ITPR2: variants seen among roughly 807,000 people sequenced by gnomAD.
The protein encoded by ITPR2 is inositol 1,4,5-trisphosphate receptor type 2.
Under a neutral mutation model 317.1 loss-of-function variants are expected in ITPR2, and 207 were observed. The observed-to-expected ratio is 0.65, with a 90% CI of 0.58 to 0.73. The LOEUF (loss-of-function observed/expected upper bound fraction) is 0.73. Among genes scored for constraint, ITPR2 ranks in the 30% least tolerant of loss-of-function variants. ITPR2 has a pLI of 0.00. For synonymous variants in ITPR2, 1,156 were observed against 1,149.1 expected, an observed-to-expected ratio of 1.01 and a Z score of -0.12; for missense variants, 2,613 against 3,284.0, an observed-to-expected ratio of 0.80 and a Z score of 4.99.
intron 36 of ITPR2, among the ~76,000 whole-genome samples, chr12:26,555,264 G>A (rs1944631444): frequency 2.0e-5 from 3 of 152,078 alleles, no homozygotes; most frequent in Admixed American, 1.3e-4. Context: ...TCTCTGCCTC[G>A]ATATATCACA....
chr12:26,778,380 T>TA (rs746446869), intron 2 of ITPR2, among the ~76,000 whole-genome samples: 41 of 152,340 alleles, frequency 2.7e-4, no homozygotes, highest in Non-Finnish European at 5.4e-4. Context: ...AGATGGATCT[T>TA]AGAGAATGAC....
chr12:26,682,955 C>T (rs1325279172), intron 11 of ITPR2, among the ~76,000 whole-genome samples: 1 of 152,154 alleles, frequency 6.6e-6, no homozygotes, highest in African/African-American at 2.4e-5. Flanking sequence ...TCATCCCCAT[C>T]GACTGAATCA....
chr12:26,423,499 T>G (rs190339092), intron 49 of ITPR2, among the ~76,000 whole-genome samples: 1 of 152,256 alleles, frequency 6.6e-6, no homozygotes, highest in East Asian at 1.9e-4. Flanking sequence ...AAAGGAAAAA[T>G]CATTGTAGGT....
At chr12:26,663,605 C>G (rs1947551263) in intron 15 of ITPR2, 80 bp downstream of exon 15, 1 of 1,271,210 alleles carries the variant, frequency 7.9e-7, no homozygotes, top group African/African-American at 1.5e-5. Context: ...TTCCTACTTT[C>G]TATGCTGTAG....
chr12:26,750,293 A>G (rs751354882), intron 2 of ITPR2, among the ~76,000 whole-genome samples: 6 of 152,108 alleles, frequency 3.9e-5, no homozygotes, highest in Admixed American at 6.5e-5. Flanking sequence ...AAAGTCATCT[A>G]TTGTTCTGTG....
At chr12:26,387,711 C>A in intron 54 of ITPR2, 117 bp from the exon 55 acceptor site, 1 of 897,346 alleles carries the variant, frequency 1.1e-6, no homozygotes, top group Non-Finnish European at 1.7e-6. Context: ...TAAGAGTGTG[C>A]CAATTTAAAA....
At chr12:26,474,654 C>T (rs1209050315) in intron 45 of ITPR2, among the ~76,000 whole-genome samples, 4 of 151,230 alleles carry the variant, frequency 2.6e-5, no homozygotes, top group Non-Finnish European at 5.9e-5. Context: ...ATTAGCCGGG[C>T]GTAGTGGCGG....
chr12:26,625,881 C>T (rs2046411), intron 23 of ITPR2, among the ~76,000 whole-genome samples: 112,913 of 151,992 alleles, frequency 0.74, 42,712 homozygotes, highest in East Asian at 0.95. Context: ...TTTTTTTCTA[C>T]GTGAACCAAT....
chr12:26,609,587 G>A lies in ITPR2; in HGVS notation c.3463-6881C>T, dbSNP rs1035919551. ...CCACTGCACTCCAGCCTGAATGACA[G>A]AGCAAGACCCTGTCTACAACAAAAA... On this transcript the variant is annotated intron_variant, in intron 26 of 56. Coordinates refer to ENST00000381340, the MANE Select transcript of ITPR2 (RefSeq NM_002223.4). Among the ~76,000 whole-genome samples the A allele has an allele frequency of 6.6e-5, 10 of 151,756 alleles. No homozygotes were observed. In the East Asian group the frequency reaches 1.9e-3, roughly 29 times the overall value.
At chr12:26,578,921 CAAAAT>C (rs1202499006) in intron 33 of ITPR2, 88 bp from the exon 34 acceptor site, 1 of 1,289,148 alleles carries the variant, frequency 7.8e-7, no homozygotes, top group Non-Finnish European at 1.1e-6. Context: ...AAAGGTTCAT[CAAAAT>C]AAAATAAAAT....
chr12:26,364,532 G>T (rs1234464775), intron 55 of ITPR2, among the ~76,000 whole-genome samples: 1 of 152,188 alleles, frequency 6.6e-6, no homozygotes, highest in East Asian at 1.9e-4. Flanking sequence ...GCAAGCCCTT[G>T]TCTAAACTCT....
At chr12:26,608,441 C>T (rs1946188142) in intron 26 of ITPR2, among the ~76,000 whole-genome samples, 1 of 151,736 alleles carries the variant, frequency 6.6e-6, no homozygotes, top group African/African-American at 2.4e-5. Context: ...CACCTCTGCC[C>T]GGCAGCCCCA....
In ITPR2 at chr12:26,715,818, G is replaced by A. The variant is rs1406806702; in HGVS notation, c.642C>T (p.Cys214=). The part of the protein sequence containing the change: ...PGCKEVNAVN[C]NTSWKITLFM... ...ATAAAGTGATTTTCCAGCTGGTGTT[G>A]CAATTGACAGCATTCACCTATTAAT... Residue 214 remains cysteine (C), a synonymous_variant, in exon 7 of 57, where the codon TGC becomes TGT. Coordinates refer to ENST00000381340, the MANE Select transcript of ITPR2 (RefSeq NM_002223.4). 6.2e-7 allele frequency: 1 copy of A among 1,606,132 alleles called. No homozygotes were observed. Among genetic ancestry groups the A allele is most frequent in the Non-Finnish European group, 8.5e-7 (1 of 1,173,342 alleles).
At chr12:26,442,372 A>AT (rs1941506032) in intron 46 of ITPR2, among the ~76,000 whole-genome samples, 1 of 152,306 alleles carries the variant, frequency 6.6e-6, no homozygotes, top group Middle Eastern at 3.4e-3. Flanking sequence ...GTAGAGAGTA[A>AT]GTGCTCAGTA....
At chr12:26,696,102 A>G (rs1306160999) in intron 9 of ITPR2, among the ~76,000 whole-genome samples, 3 of 152,222 alleles carry the variant, frequency 2.0e-5, no homozygotes, top group African/African-American at 7.2e-5. Context: ...GGAGCTACAT[A>G]TAAGATATGT....
At chr12:26,556,562 T>TGTGTGTGTGTG (rs1319543594) in intron 35 of ITPR2, among the ~76,000 whole-genome samples, 187 bp from the exon 36 acceptor site, 36 of 99,196 alleles carry the variant, frequency 3.6e-4, no homozygotes, top group South Asian at 7.4e-4. Context: ...CTCTATTTTT[T>TGTGTGTGTGTG]TTTTTGTGTG....
At chr12:26,726,534 A>G (rs1251656667) in intron 2 of ITPR2, among the ~76,000 whole-genome samples, 2 of 152,346 alleles carry the variant, frequency 1.3e-5, no homozygotes, top group Middle Eastern at 3.4e-3. Flanking sequence ...ATTCTATCAT[A>G]AAAGAGTAGT....
At chr12:26,463,691 AAACAAAC>A (rs914062030) in intron 45 of ITPR2, among the ~76,000 whole-genome samples, 5 of 91,388 alleles carry the variant, frequency 5.5e-5, no homozygotes, top group African/African-American at 1.2e-4. Flanking sequence ...AAAAACAAAC[AAACAAAC>A]AAAAAAAAAA....
chr12:26,420,349 T>C (rs1299743315), intron 49 of ITPR2, among the ~76,000 whole-genome samples: 4 of 152,318 alleles, frequency 2.6e-5, no homozygotes, highest in East Asian at 3.9e-4. Context: ...GGTTGCTCTT[T>C]GCAACATTGT....
Sources: allele counts gnomAD v4.1 joint callset (sites outside exome capture counted in the v4.1 genomes callset), GRCh38; gene constraint gnomAD v4.1.1; transcripts MANE v1.5; gene names NCBI Gene and HGNC (gene_info 2026-07-23, HGNC 2026-07-21).